ARHGAP24: variants seen among roughly 807,000 people sequenced by gnomAD.
The protein encoded by ARHGAP24 is rho GTPase-activating protein 24.
Under a neutral mutation model 76.4 loss-of-function variants are expected in ARHGAP24, and 50 were observed. That is an observed-to-expected ratio of 0.65 (90% CI 0.52 to 0.83). ARHGAP24 has a LOEUF of 0.83. ARHGAP24 is among the 40% of genes least tolerant of loss of function. ARHGAP24 has a pLI of 0.00. For synonymous variants in ARHGAP24, 345 were observed against 323.3 expected (o/e 1.07, Z -0.72); for missense variants, 930 against 914.2 (o/e 1.02, Z -0.22).
chr4:85,870,254 C>A (rs1732448411), intron 3 of ARHGAP24, among the ~76,000 whole-genome samples: 1 of 151,876 alleles, frequency 6.6e-6, no homozygotes, highest in Non-Finnish European at 1.5e-5. Flanking sequence ...TGTTGCCAAC[C>A]AATTGTGTCT....
intron 2 of ARHGAP24, among the ~76,000 whole-genome samples, chr4:85,683,198 A>G (rs1723292327): frequency 6.6e-6 from 1 of 151,460 alleles, no homozygotes; most frequent in Non-Finnish European, 1.5e-5. Context: ...GGCAGTTCTT[A>G]TAAATATGAA....
chr4:85,666,714 G>C (rs989575040), intron 2 of ARHGAP24, among the ~76,000 whole-genome samples: 1 of 152,128 alleles, frequency 6.6e-6, no homozygotes, highest in African/African-American at 2.4e-5. Context: ...CCTTTTAACA[G>C]ACAGGACCCT....
intron 3 of ARHGAP24, among the ~76,000 whole-genome samples, chr4:85,779,511 T>C (rs927682915): frequency 5.3e-5 from 8 of 152,308 alleles, no homozygotes; most frequent in Admixed American, 5.2e-4. Context: ...GAATTGGGGT[T>C]TTTGCCTCCA....
At chr4:85,564,931 T>C (rs578153448) in intron 1 of ARHGAP24, among the ~76,000 whole-genome samples, 47 of 77,986 alleles carry the variant, frequency 6.0e-4, no homozygotes, top group Admixed American at 2.7e-3. Context: ...ACGGTATATA[T>C]ATATATATAT....
At chr4:85,664,860 G>A (rs1722548920) in intron 2 of ARHGAP24, among the ~76,000 whole-genome samples, 1 of 152,120 alleles carries the variant, frequency 6.6e-6, no homozygotes, top group South Asian at 2.1e-4. Context: ...TAGTTTGATT[G>A]CACTGTGGTC....
chr4:85,990,275 A>G (rs1740243703), intron 8 of ARHGAP24: 1 of 151,696 alleles, frequency 6.6e-6, no homozygotes, highest in African/African-American at 2.4e-5. Flanking sequence ...AACACTAACA[A>G]ACAAATAAGA....
chr4:85,895,662 A>G lies in ARHGAP24; in HGVS notation c.269-27986A>G, dbSNP rs1362969974. Among the ~76,000 whole-genome samples, 3 of 152,106 alleles carry G rather than the reference A, an allele frequency of 2.0e-5. No individual in the cohort carries two copies. In the East Asian group the frequency reaches 5.8e-4, roughly 29 times the overall value. ...AATACCTTGACAAAAATTCAGTCTG[A>G]CTTTTTTCTGTACCCTTTTTGAAAT... On this transcript the variant is annotated intron_variant, in intron 3 of 9. Transcript: ENST00000395184.
intron 3 of ARHGAP24, among the ~76,000 whole-genome samples, chr4:85,897,700 G>C (rs1040636313): frequency 1.3e-5 from 2 of 152,010 alleles, no homozygotes; most frequent in Non-Finnish European, 2.9e-5. Context: ...TCCCTTTCTT[G>C]TTCTTTCTCA....
chr4:85,549,420 G>A (rs1170355807), intron 1 of ARHGAP24, among the ~76,000 whole-genome samples: 1 of 151,698 alleles, frequency 6.6e-6, no homozygotes, highest in African/African-American at 2.4e-5. Context: ...TGCTAGGACT[G>A]TTTCATGAGA....
intron 1 of ARHGAP24, among the ~76,000 whole-genome samples, chr4:85,480,868 G>A (rs1722789912): frequency 1.3e-5 from 2 of 152,256 alleles, no homozygotes; most frequent in South Asian, 4.2e-4. Flanking sequence ...AGAAGGGTAA[G>A]AGAAAACCTT....
At chr4:85,769,763 A>G (rs1727063631) in intron 3 of ARHGAP24, among the ~76,000 whole-genome samples, 1 of 151,412 alleles carries the variant, frequency 6.6e-6, no homozygotes, top group African/African-American at 2.4e-5. Flanking sequence ...AATTTTTTGT[A>G]TTTTTAGTAG....
At chr4:85,681,273 C>A (rs1235563017) in intron 2 of ARHGAP24, among the ~76,000 whole-genome samples, 2 of 152,182 alleles carry the variant, frequency 1.3e-5, no homozygotes, top group South Asian at 2.1e-4. Context: ...ACTTGACAAT[C>A]CTATGACTCA....
chr4:85,952,873 ATTCT>A (rs749518165), intron 5 of ARHGAP24, among the ~76,000 whole-genome samples: 17 of 152,216 alleles, frequency 1.1e-4, no homozygotes, highest in Non-Finnish European at 2.1e-4. Context: ...TCTTGTCTTT[ATTCT>A]TTCTATTTAG....
chr4:85,604,732 G>A (rs547189819), intron 2 of ARHGAP24, among the ~76,000 whole-genome samples: 5 of 152,106 alleles, frequency 3.3e-5, no homozygotes, highest in Non-Finnish European at 7.4e-5. Context: ...GATTATAGGT[G>A]TGCACCACTA....
chr4:85,749,449 C>A (rs991842107), intron 3 of ARHGAP24, among the ~76,000 whole-genome samples: 1 of 152,190 alleles, frequency 6.6e-6, no homozygotes, highest in South Asian at 2.1e-4. Context: ...AAACCACCCA[C>A]CAAAGATTTT....
chr4:85,554,917 T>C (rs1178285326), intron 1 of ARHGAP24, among the ~76,000 whole-genome samples: 1 of 151,918 alleles, frequency 6.6e-6, no homozygotes, highest in Non-Finnish European at 1.5e-5. Flanking sequence ...CCTGACCTCG[T>C]GATCTGCCCA....
At position 85,977,500 on chromosome 4, in the gene ARHGAP24, A is replaced by G. The variant is rs1739409631; in HGVS notation, c.807-70A>G. 19 of 1,544,180 alleles carry G rather than the reference A, an allele frequency of 1.2e-5. 1 individual carries two copies. In the South Asian group the frequency reaches 2.0e-4, roughly 16 times the overall value. ...CATAACTTTAGTTTGTAAATTTTCT[A>G]ATGATCGATTTTTCTTCCACTGGCA... On this transcript the variant is annotated intron_variant, in intron 7 of 9. Transcript: ENST00000395184.
intron 3 of ARHGAP24, among the ~76,000 whole-genome samples, chr4:85,863,963 G>A (rs35941601): frequency 0.085 from 12,902 of 152,112 alleles, 657 homozygotes; most frequent in Middle Eastern, 0.13. Context: ...GATTTAGATA[G>A]GACTCATAGA....
chr4:85,849,446 T>A (rs952771417), intron 3 of ARHGAP24, among the ~76,000 whole-genome samples: 1 of 152,210 alleles, frequency 6.6e-6, no homozygotes, highest in Admixed American at 6.5e-5. Context: ...TATTTCTTTA[T>A]CTTGCCTGAT....
Sources: allele counts gnomAD v4.1 joint callset (sites outside exome capture counted in the v4.1 genomes callset), GRCh38; gene constraint gnomAD v4.1.1; transcripts MANE v1.5; gene names NCBI Gene and HGNC (gene_info 2026-07-23, HGNC 2026-07-21).